KIAA1217: variants seen among roughly 807,000 people sequenced by gnomAD.
KIAA1217 encodes KIAA1217.
KIAA1217 carries 88 observed loss-of-function variants against 163.9 expected under a neutral mutation model. The observed-to-expected ratio is 0.54, with a 90% CI of 0.45 to 0.64. The LOEUF (loss-of-function observed/expected upper bound fraction) is 0.64, where lower values mean the gene tolerates loss of function less well. KIAA1217 is among the 30% of genes least tolerant of loss of function. KIAA1217 has a pLI of 0.00. For synonymous variants in KIAA1217, 903 were observed against 923.1 expected (o/e 0.98, Z 0.39); for missense variants, 2,372 against 2,475.0 (o/e 0.96, Z 0.88).
intron 2 of KIAA1217, among the ~76,000 whole-genome samples, chr10:24,144,331 A>G (rs1200799885): frequency 6.6e-6 from 1 of 152,248 alleles, no homozygotes; most frequent in African/African-American, 2.4e-5. Context: ...TGTAGAGCAA[A>G]GGGCAGAGGG....
At position 24,326,475 on chromosome 10, in the gene KIAA1217, G is replaced by A. The variant is rs146222033; in HGVS notation, c.355-54394G>A. Among the ~76,000 whole-genome samples, 359 of 152,108 alleles carry A rather than the reference G, an allele frequency of 2.4e-3. 1 individual carries two copies. The highest frequency in any genetic ancestry group is 8.2e-3 in the African/African-American group (341 of 41,494). The stretch of plus-strand genomic sequence containing the variant: ...CCTAGTTGGAGAATAAATGACAAAA[G>A]CGCTTTTATAAAATAGCTGTTGTAG... On this transcript the variant is annotated intron_variant, in intron 2 of 20. Coordinates refer to ENST00000376454, the MANE Select transcript of KIAA1217 (RefSeq NM_019590.5).
chr10:24,404,863 G>C (rs1246098307), intron 3 of KIAA1217, among the ~76,000 whole-genome samples: 1 of 152,008 alleles, frequency 6.6e-6, no homozygotes, highest in Admixed American at 6.6e-5. Flanking sequence ...GAGGAAAAAA[G>C]AAAAAAGCCA....
At chr10:23,857,400 A>G (rs928260928) in intron 1 of KIAA1217, among the ~76,000 whole-genome samples, 1 of 152,226 alleles carries the variant, frequency 6.6e-6, no homozygotes, top group African/African-American at 2.4e-5. Flanking sequence ...GGAAGGAATG[A>G]GAATAAAATG....
chr10:24,546,497 G>T lies in KIAA1217; in HGVS notation c.*173G>T. 1.4e-6 allele frequency: 1 copy of T among 739,234 alleles called. No homozygotes were observed. 45.8% of individuals were successfully genotyped at this position (739,234 alleles called of 1,614,324 possible). Reference sequence around the variant, plus strand: ...TCAGTAAAGCTCGTTCGTTTTGTTTGGTTTTCTTTTTACCTAGTTGCTATA... The same window carrying T: ...TCAGTAAAGCTCGTTCGTTTTGTTTTGTTTTCTTTTTACCTAGTTGCTATA... On this transcript the variant is annotated 3_prime_UTR_variant, in exon 21 of 21. Coordinates refer to ENST00000376454, the MANE Select transcript of KIAA1217 (RefSeq NM_019590.5).
chr10:24,124,264 T>A (rs1401703557), intron 2 of KIAA1217, among the ~76,000 whole-genome samples: 1 of 152,170 alleles, frequency 6.6e-6, no homozygotes, highest in Non-Finnish European at 1.5e-5. Flanking sequence ...TAGGTATGAA[T>A]AAGCAATTGC....
chr10:24,310,214 G>A lies in KIAA1217; in HGVS notation c.355-70655G>A, dbSNP rs186305352. ...AACAACTCCATGAAACAGGAAGAAC[G>A]GCCACTAGCATTCATTTTGCTTTTA... On this transcript the variant is annotated intron_variant, in intron 2 of 20. Transcript: ENST00000376454. Among the ~76,000 whole-genome samples, 666 of 152,290 alleles carry A rather than the reference G, an allele frequency of 4.4e-3. 2 individuals carry two copies. The highest frequency in any genetic ancestry group is 7.9e-3 in the Non-Finnish European group (537 of 68,034).
At chr10:24,221,771 A>T (rs1259069079) in intron 2 of KIAA1217, among the ~76,000 whole-genome samples, 1 of 152,222 alleles carries the variant, frequency 6.6e-6, no homozygotes, top group Non-Finnish European at 1.5e-5. Context: ...ACAGTGGTTC[A>T]TGCCTGTAAT....
intron 1 of KIAA1217, among the ~76,000 whole-genome samples, chr10:23,715,608 A>G (rs1478843027): frequency 6.6e-6 from 1 of 152,176 alleles, no homozygotes; most frequent in Admixed American, 6.6e-5. Flanking sequence ...TAAAGTTTCA[A>G]ATATGTACTA....
chr10:24,001,729 A>G (rs917849697), intron 1 of KIAA1217, among the ~76,000 whole-genome samples: 2 of 152,232 alleles, frequency 1.3e-5, no homozygotes, highest in Non-Finnish European at 2.9e-5. Flanking sequence ...TCTTGATTGT[A>G]AGAAACAGAA....
At chr10:24,109,960 G>A (rs1392723810) in intron 2 of KIAA1217, among the ~76,000 whole-genome samples, 1 of 152,194 alleles carries the variant, frequency 6.6e-6, no homozygotes, top group African/African-American at 2.4e-5. Flanking sequence ...TGACCTGCTG[G>A]GTGCAAGGGT....
intron 1 of KIAA1217, among the ~76,000 whole-genome samples, chr10:23,871,927 C>T (rs1840475273): frequency 1.3e-5 from 2 of 152,074 alleles, no homozygotes; most frequent in East Asian, 1.9e-4. Flanking sequence ...GGGATTAATG[C>T]CAATGAGTCC....
chr10:24,402,523 CA>C (rs1173653514), intron 3 of KIAA1217, among the ~76,000 whole-genome samples: 2,638 of 71,012 alleles, frequency 0.037, 201 homozygotes, highest in East Asian at 0.3. Context: ...AAACAAAAAA[CA>C]AAACAAAAAA....
chr10:24,438,864 T>C (rs1479779965), intron 5 of KIAA1217, among the ~76,000 whole-genome samples: 3 of 152,194 alleles, frequency 2.0e-5, no homozygotes, highest in Non-Finnish European at 2.9e-5. Context: ...AGGTGCACAA[T>C]TGCATGGAAA....
At chr10:24,223,408 T>C (rs2069947963) in intron 2 of KIAA1217, among the ~76,000 whole-genome samples, 1 of 152,170 alleles carries the variant, frequency 6.6e-6, no homozygotes, top group Non-Finnish European at 1.5e-5. Flanking sequence ...ATTTCCTCTT[T>C]CCTGTCTTCC....
At chr10:24,008,647 G>T (rs1310460102) in intron 2 of KIAA1217, among the ~76,000 whole-genome samples, 1 of 152,090 alleles carries the variant, frequency 6.6e-6, no homozygotes, top group East Asian at 1.9e-4. Flanking sequence ...AGTCCTCTCA[G>T]CTCCCGGTGA....
chr10:23,954,944 C>G (rs1322314791), intron 1 of KIAA1217, among the ~76,000 whole-genome samples: 1 of 152,120 alleles, frequency 6.6e-6, no homozygotes, highest in Non-Finnish European at 1.5e-5. Flanking sequence ...CTTGGCTTTG[C>G]TACTGATTAA....
chr10:24,315,731 A>G (rs1199428152), intron 2 of KIAA1217, among the ~76,000 whole-genome samples: 1 of 149,326 alleles, frequency 6.7e-6, no homozygotes, highest in African/African-American at 2.5e-5. Context: ...TAGCCTAGGC[A>G]ACAGAGCAAG....
In KIAA1217 at chr10:24,203,594, G is replaced by C. The variant is rs553887491; in HGVS notation, c.-170-16032G>C. 1.6e-4 allele frequency among the ~76,000 whole-genome samples: 24 copies of C among 150,234 alleles called. No individual in the cohort carries two copies. The East Asian group carries it at 4.5e-3, about 28-fold the overall frequency. On this transcript the variant is annotated intron_variant, in intron 2 of 18. Transcript: ENST00000376462. ...CCTCCACAGGTCACTGCAGCTTTGA[G>C]AAATGGCAGAGGAGAAGCTCAAGGG...
At position 23,695,484 on chromosome 10, in the gene KIAA1217, C is replaced by T. The variant is rs1219603025; in HGVS notation, c.-321+250C>T. Among the ~76,000 whole-genome samples the T allele has an allele frequency of 6.6e-6, 1 of 152,088 alleles. No homozygotes were observed. Among genetic ancestry groups the T allele is most frequent in the East Asian group, 1.9e-4 (1 of 5,158 alleles). On this transcript the variant is annotated intron_variant, in intron 1 of 18. Transcript: ENST00000376462. This position sits in a 1 kb window ranked among gnomAD's most constrained non-coding sequence, Gnocchi z 4.9. ...CTGGGAGGAGGGACTGGAGAGGAAC[C>T]GGACCCCGGGGATCTCAGAAAGGGA...
Sources: allele counts gnomAD v4.1 joint callset (sites outside exome capture counted in the v4.1 genomes callset), GRCh38; gene constraint gnomAD v4.1.1; non-coding constraint Gnocchi (gnomAD v3.1); transcripts MANE v1.5; gene names NCBI Gene and HGNC (gene_info 2026-07-23, HGNC 2026-07-21).